PARP11: variants seen among roughly 807,000 people sequenced by gnomAD.
PARP11 encodes protein mono-ADP-ribosyltransferase PARP11.
PARP11 carries 31 observed loss-of-function variants against 42.9 expected under a neutral mutation model. That is an observed-to-expected ratio of 0.72 (90% CI 0.54 to 0.98). The LOEUF (loss-of-function observed/expected upper bound fraction) is 0.98. PARP11 is among the 50% of genes least tolerant of loss of function. The pLI is 0.00. For missense variants in PARP11, 365 were observed against 413.1 expected, an observed-to-expected ratio of 0.88 and a Z score of 1.01; for synonymous variants, 137 against 127.3, an observed-to-expected ratio of 1.08 and a Z score of -0.51.
intron 1 of PARP11, among the ~76,000 whole-genome samples, chr12:3,847,246 A>G (rs918803487): frequency 3.3e-5 from 5 of 152,206 alleles, no homozygotes; most frequent in African/African-American, 1.2e-4. Context: ...CCAAACATTT[A>G]AAGAACTAAT....
intron 4 of PARP11, among the ~76,000 whole-genome samples, chr12:3,823,694 T>C (rs1281411307): frequency 2.6e-5 from 4 of 152,174 alleles, no homozygotes; most frequent in Admixed American, 1.3e-4. Context: ...GGCAGATGGA[T>C]TGCCTGAGCT....
rs1433799849 is a variant in PARP11, at chr12:3,840,624, C to T, written c.19-10606G>A. The T allele has an allele frequency of 2.5e-6, 3 of 1,219,530 alleles. No individual in the cohort carries two copies. The highest frequency in any genetic ancestry group is 3.0e-5 in the African/African-American group (2 of 67,084). The allele number at this position is 1,219,530 out of a possible 1,614,324, so 75.5% of individuals were successfully genotyped here. On this transcript the variant is annotated intron_variant, in intron 1 of 7. Transcript: ENST00000228820. This position sits in a 1 kb window ranked among gnomAD's most constrained non-coding sequence, Gnocchi z 4.4. Reference sequence around the variant, plus strand: ...GTCGAGAATCTAACTATTGCTACTTCTCAGAGTAGCAATCCATGTGTCCAG... The same window carrying T: ...GTCGAGAATCTAACTATTGCTACTTTTCAGAGTAGCAATCCATGTGTCCAG...
chr12:3,833,338 A>G lies in PARP11; in HGVS notation c.19-3320T>C, dbSNP rs1947687167. On this transcript the variant is annotated intron_variant, in intron 1 of 7. Transcript: ENST00000228820. ...TAGTAGGCCGGGCGTGGTAGCTCAC[A>G]CCTGTTATCCCAGGGCTTTGGTGAG... Among the ~76,000 whole-genome samples, 6 of 152,246 alleles carry G rather than the reference A, an allele frequency of 3.9e-5. No individual in the cohort carries two copies. The South Asian group carries it at 1.2e-3, about 32-fold the overall frequency.
rs774915860 is a variant in PARP11, at chr12:3,838,812, TTTC to T, written c.19-8797_19-8795del. ...TGGTGGGGAAACGAAAGGCCGCGTC[TTTC>T]TTTTTTGGTTTCCTCGGCTCCCGGC... On this transcript the variant is annotated intron_variant, in intron 1 of 7. Transcript: ENST00000228820. Among the ~76,000 whole-genome samples the T allele has an allele frequency of 1.7e-3, 264 of 152,340 alleles. 2 individuals carry two copies. The highest frequency in any genetic ancestry group is 3.2e-3 in the Non-Finnish European group (218 of 68,012).
intron 1 of PARP11, among the ~76,000 whole-genome samples, chr12:3,830,380 C>T (rs1030631111): frequency 7.9e-5 from 12 of 152,118 alleles, no homozygotes; most frequent in Non-Finnish European, 1.2e-4. Context: ...TGCTATCACG[C>T]TGGTTAAGAT....
intron 1 of PARP11, among the ~76,000 whole-genome samples, chr12:3,858,714 T>C (rs571721593): frequency 1.3e-5 from 2 of 152,344 alleles, no homozygotes; most frequent in East Asian, 1.9e-4. Context: ...GGTGATGCTA[T>C]TGCACTGCTT....
chr12:3,863,046 A>G (rs1948326137), intron 1 of PARP11, among the ~76,000 whole-genome samples: 1 of 152,222 alleles, frequency 6.6e-6, no homozygotes, highest in Non-Finnish European at 1.5e-5. Context: ...AATTTTTTCA[A>G]GAATGTTTTG....
At chr12:3,868,573 T>C (rs192976652) in intron 1 of PARP11, among the ~76,000 whole-genome samples, 7 of 152,306 alleles carry the variant, frequency 4.6e-5, no homozygotes, top group South Asian at 4.1e-4. Context: ...ACATTAAACA[T>C]AGTGAGTCCA....
chr12:3,837,892 G>GC (rs1403558506), intron 1 of PARP11, among the ~76,000 whole-genome samples: 6 of 151,634 alleles, frequency 4.0e-5, no homozygotes, highest in Non-Finnish European at 8.8e-5. Context: ...GGTCAACGAA[G>GC]CAAGTGGACA....
intron 3 of PARP11, among the ~76,000 whole-genome samples, chr12:3,827,505 G>A (rs1486361284): frequency 6.6e-6 from 1 of 151,792 alleles, no homozygotes; most frequent in African/African-American, 2.4e-5. Flanking sequence ...AAAAATACTT[G>A]TACACATGAC....
At chr12:3,814,836 G>C (rs1403389449) in intron 6 of PARP11, among the ~76,000 whole-genome samples, 3 of 152,110 alleles carry the variant, frequency 2.0e-5, no homozygotes, top group African/African-American at 7.2e-5. Context: ...TAATGAAGTA[G>C]ATCTATGTGC....
At chr12:3,849,389 G>T (rs912377789) in intron 1 of PARP11, among the ~76,000 whole-genome samples, 1 of 152,142 alleles carries the variant, frequency 6.6e-6, no homozygotes, top group South Asian at 2.1e-4. Context: ...TAATAGCCAA[G>T]ATAGGGAATC....
At chr12:3,816,772 C>T (rs1461714439) in intron 6 of PARP11, among the ~76,000 whole-genome samples, 1 of 152,166 alleles carries the variant, frequency 6.6e-6, no homozygotes, top group Non-Finnish European at 1.5e-5. Flanking sequence ...TGTGGTGGCA[C>T]ACACCTGTAA....
intron 1 of PARP11, among the ~76,000 whole-genome samples, chr12:3,853,720 G>C (rs139229671): frequency 0.019 from 2,965 of 152,240 alleles, 144 homozygotes; most frequent in South Asian, 0.18. Flanking sequence ...ATATTAGATA[G>C]ATCAACGAGA....
At chr12:3,863,226 C>G (rs944819816) in intron 1 of PARP11, among the ~76,000 whole-genome samples, 3 of 152,256 alleles carry the variant, frequency 2.0e-5, no homozygotes, top group African/African-American at 7.2e-5. Flanking sequence ...ATCTAGCAAC[C>G]TTATGAAACT....
At chr12:3,864,321 G>T (rs1948353355) in intron 1 of PARP11, among the ~76,000 whole-genome samples, 1 of 152,142 alleles carries the variant, frequency 6.6e-6, no homozygotes, top group Non-Finnish European at 1.5e-5. Context: ...ATATATGTTA[G>T]ATTTGAGTTG....
chr12:3,819,205 A>T (rs1947347515), intron 6 of PARP11, among the ~76,000 whole-genome samples: 1 of 152,188 alleles, frequency 6.6e-6, no homozygotes, highest in African/African-American at 2.4e-5. Flanking sequence ...CGCATACAAT[A>T]AGTGAGGCGC....
intron 1 of PARP11, among the ~76,000 whole-genome samples, chr12:3,869,896 C>T (rs1322990222): frequency 6.6e-6 from 1 of 152,196 alleles, no homozygotes; most frequent in Non-Finnish European, 1.5e-5. Flanking sequence ...ATAACAGGTG[C>T]TCAATAAATA....
chr12:3,839,494 A>C (rs1019351471), intron 1 of PARP11: 6 of 1,609,386 alleles, frequency 3.7e-6, no homozygotes, highest in Non-Finnish European at 4.3e-6. Flanking sequence ...TGTTGAAGTC[A>C]GAATGGCCTG....
Sources: allele counts gnomAD v4.1 joint callset (sites outside exome capture counted in the v4.1 genomes callset), GRCh38; gene constraint gnomAD v4.1.1; non-coding constraint Gnocchi (gnomAD v3.1); transcripts MANE v1.5; gene names NCBI Gene and HGNC (gene_info 2026-07-23, HGNC 2026-07-21).